Variants in MYO15A observed in about 807,000 individuals in gnomAD.
MYO15A encodes myosin XVA.
Under a neutral mutation model 394.6 loss-of-function variants are expected in MYO15A, and 308 were observed. The observed-to-expected ratio is 0.78, with a 90% CI of 0.71 to 0.86. The LOEUF (loss-of-function observed/expected upper bound fraction) is 0.86, where lower values mean the gene tolerates loss of function less well. Among genes scored for constraint, MYO15A ranks in the 40% least tolerant of loss-of-function variants. The pLI, the probability that MYO15A is intolerant of heterozygous loss-of-function variation, is 0.00. For missense variants in MYO15A, 4,606 were observed against 4,799.1 expected (o/e 0.96, Z 1.19); for synonymous variants, 1,957 against 2,003.8 (o/e 0.98, Z 0.62).
chr17:18,122,151 C>A lies in MYO15A; in HGVS notation c.3351C>A (p.Val1117=). The change falls in exon 2 of 66, where the codon GTC becomes GTA. Residue 1117 remains valine (V), a synonymous_variant. Transcript: ENST00000647165. ...CAGCCCCTGGGCGTTTTGCTGTGGT[C>A]ATGCCTCGTGTGCAGAAGCTGAGCT... ...RQAAPGRFAV[V]MPRVQKLSSF... is the part of the protein sequence containing the mutation. 6.2e-7 allele frequency: 1 copy of A among 1,613,056 alleles called. No homozygotes were observed. Among genetic ancestry groups the A allele is most frequent in the African/African-American group, 1.3e-5 (1 of 75,068 alleles).
Position 18,150,384 on chromosome 17 carries a change from G to A in MYO15A, c.7213-45G>A, listed in dbSNP as rs1226661901. 1 of 1,567,352 alleles carries A rather than the reference G, an allele frequency of 6.4e-7. No homozygotes were observed. The highest frequency in any genetic ancestry group is 1.7e-5 in the Admixed American group (1 of 59,858). Reference sequence around the variant, plus strand: ...GGTGCCTGTTGCCATGGAACCTTGGGAGTACAATAATGAGATGGTCACTTG... The same window carrying A: ...GGTGCCTGTTGCCATGGAACCTTGGAAGTACAATAATGAGATGGTCACTTG... On this transcript the variant is annotated intron_variant, in intron 35 of 65. Transcript: ENST00000647165. This position sits in a 1 kb window ranked among gnomAD's most constrained non-coding sequence, Gnocchi z 4.4.
chr17:18,148,050 G>C lies in MYO15A; in HGVS notation c.6531G>C (p.Arg2177=). 1 of 1,614,088 alleles carries C rather than the reference G, an allele frequency of 6.2e-7. No individual in the cohort carries two copies. The highest frequency in any genetic ancestry group is 8.5e-7 in the Non-Finnish European group (1 of 1,180,030). The change falls in exon 31 of 66, where the codon CGG becomes CGC. Residue 2177 remains arginine, a synonymous_variant. Transcript: ENST00000647165. The surrounding 1 kb of genome is among the most constrained non-coding windows in gnomAD (Gnocchi z 4.8). ...TCAGGTTTGTGTCTGATTATGGGCGGAATGGCTTCCAGGCTGTGTGTCAGC... is the reference window on the plus strand; with the variant it reads ...TCAGGTTTGTGTCTGATTATGGGCGCAATGGCTTCCAGGCTGTGTGTCAGC... ...YLLKFVSDYG[R]NGFQAVCQHR... is the part of the protein sequence containing the mutation.
chr17:18,148,352 G>A lies in MYO15A; in HGVS notation c.6691+142G>A, dbSNP rs950833123. ...TGGCTCTGCGTGAAAGTCTGTGTGT[G>A]GGGGTGGGACCTGGCCCAGGAAAGG... On this transcript the variant is annotated intron_variant, in intron 31 of 65. Coordinates refer to ENST00000647165, the MANE Select transcript of MYO15A (RefSeq NM_016239.4). This position sits in a 1 kb window ranked among gnomAD's most constrained non-coding sequence, Gnocchi z 4.8. The A allele has an allele frequency of 2.1e-6, 3 of 1,452,434 alleles. No homozygotes were observed. The highest frequency in any genetic ancestry group is 2.8e-5 in the African/African-American group (2 of 71,064). 90.0% of individuals were successfully genotyped at this position (1,452,434 alleles called of 1,614,324 possible).
Position 18,144,038 on chromosome 17 carries a change from A to T in MYO15A, c.6177+38A>T, listed in dbSNP as rs2046432870. 2.5e-6 allele frequency: 4 copies of T among 1,612,410 alleles called. No individual in the cohort carries two copies. The South Asian group carries it at 4.4e-5, about 18-fold the overall frequency. On this transcript the variant is annotated intron_variant, in intron 28 of 65. Transcript: ENST00000647165. ...TGAAGTCCAAGGCTCCCTGGCTGAT[A>T]GGCGCTGACCAATTAGAATGGACAT... is the stretch of plus-strand genomic sequence containing the variant.
Position 18,133,209 on chromosome 17 carries a change from C to T in MYO15A, c.4321-16C>T. ...CCACCCAAGCTCCCTGACCCTCAGC[C>T]TCTGCCCTCATGCAGGGTGGGAACT... On this transcript the variant is annotated splice_polypyrimidine_tract_variant and intron_variant, in intron 11 of 65. Transcript: ENST00000647165. The T allele has an allele frequency of 6.2e-7, 1 of 1,613,764 alleles. No individual in the cohort carries two copies. Among genetic ancestry groups the T allele is most frequent in the African/African-American group, 1.3e-5 (1 of 75,046 alleles).
chr17:18,179,046 A>G lies in MYO15A; in HGVS notation c.*176A>G. ...AAGAACACAAGAAGACCCATCCTGA[A>G]CTGGGATGGAATGGCAGCATGCAAA... On this transcript the variant is annotated 3_prime_UTR_variant, in exon 66 of 66. Transcript: ENST00000647165. 1.5e-6 allele frequency: 1 copy of G among 674,646 alleles called. No individual in the cohort carries two copies. The highest frequency in any genetic ancestry group is 2.6e-6 in the Non-Finnish European group (1 of 382,766). The allele number at this position is 674,646 out of a possible 1,614,324, so 41.8% of individuals were successfully genotyped here. A position where few individuals can be genotyped will look rare whatever the true frequency, so the allele number is the denominator to read the frequency against.
chr17:18,120,037 T>G lies in MYO15A; in HGVS notation c.1237T>G (p.Trp413Gly), dbSNP rs777578484. 1.9e-6 allele frequency: 3 copies of G among 1,613,562 alleles called. No homozygotes were observed. The highest frequency in any genetic ancestry group is 2.5e-6 in the Non-Finnish European group (3 of 1,179,986). The change falls in exon 2 of 66, where the codon TGG (tryptophan) becomes GGG (glycine). Residue 413 changes from tryptophan to glycine, a missense_variant. Physicochemically the swap from Trp to Gly is radical, Grantham distance 184. Transcript: ENST00000647165. ...EESASAFVYP[W>G]VPPPIPSPHN... ...GTCGGCTTCGGCCTTTGTGTACCCC[T>G]GGGTACCACCGCCCATCCCGTCGCC...
chr17:18,171,157 C>G (rs2046935374), intron 62 of MYO15A, among the ~76,000 whole-genome samples: 1 of 152,240 alleles, frequency 6.6e-6, no homozygotes, highest in South Asian at 2.1e-4. Flanking sequence ...AGGGCTGGGG[C>G]AAGCTGATGC....
intron 28 of MYO15A, 141 bp downstream of exon 28, chr17:18,144,141 A>ATCTCCCAGATTCCCT: frequency 1.4e-6 from 2 of 1,404,072 alleles, no homozygotes; most frequent in Non-Finnish European, 2.0e-6. Context: ...GATCATAGGG[A>ATCTCCCAGATTCCCT]ATCTGGGAGA....
chr17:18,149,075 AG>A, intron 33 of MYO15A, 123 bp downstream of exon 33: 1 of 1,473,106 alleles, frequency 6.8e-7, no homozygotes, highest in Non-Finnish European at 9.2e-7. Flanking sequence ...CTTAGACTTC[AG>A]GTTCTTAAGG....
chr17:18,133,197 C>T, intron 11 of MYO15A, 28 bp from the exon 12 acceptor site: 1 of 1,612,842 alleles, frequency 6.2e-7, no homozygotes, highest in Non-Finnish European at 8.5e-7. Flanking sequence ...CCCAAGCTCC[C>T]TGACCCTCAG....
At chr17:18,178,485 C>CA in intron 65 of MYO15A, 1 of 557,830 alleles carries the variant, frequency 1.8e-6, no homozygotes, top group Non-Finnish European at 3.3e-6. Context: ...CACTGAGGCT[C>CA]AGAGAGGTGA....
chr17:18,150,637 T>C lies in MYO15A; in HGVS notation c.7328-61T>C. ...GAGGCAGCCACAGCATGATGGGGGC[T>C]GAGAGGACAGGGAGGAGGGCATCTC... On this transcript the variant is annotated intron_variant, in intron 36 of 65. Coordinates refer to ENST00000647165, the MANE Select transcript of MYO15A (RefSeq NM_016239.4). The surrounding 1 kb of genome is among the most constrained non-coding windows in gnomAD (Gnocchi z 4.4). The C allele has an allele frequency of 6.2e-7, 1 of 1,604,038 alleles. No homozygotes were observed. Among genetic ancestry groups the C allele is most frequent in the South Asian group, 1.1e-5 (1 of 89,974 alleles).
Position 18,150,004 on chromosome 17 carries a change from A to G in MYO15A, c.7212+424A>G, listed in dbSNP as rs1597802261. 6.6e-6 allele frequency: 2 copies of G among 302,982 alleles called. No homozygotes were observed. Among genetic ancestry groups the G allele is most frequent in the East Asian group, 1.6e-4 (2 of 12,682 alleles). 18.8% of individuals were successfully genotyped at this position (302,982 alleles called of 1,614,324 possible). On this transcript the variant is annotated intron_variant, in intron 35 of 65. Transcript: ENST00000647165. This position sits in a 1 kb window ranked among gnomAD's most constrained non-coding sequence, Gnocchi z 4.4. ...AAGAAGTGCACCTTTGGTGGCAGCC[A>G]GCCCCCCGGGGCCACTAAAATATCT...
chr17:18,131,544 C>G lies in MYO15A; in HGVS notation c.4206+13C>G, dbSNP rs141183007. The G allele has an allele frequency of 1.5e-3, 2,458 of 1,613,834 alleles. 42 individuals carry two copies. The African/African-American group carries it at 0.029, about 19-fold the overall frequency. On this transcript the variant is annotated intron_variant, in intron 10 of 65. Transcript: ENST00000647165. ...GATCGTGTTTCAGGTGGGCCACCCC[C>G]TCCCAGGCCTCTGTGTTGGGCAGGG...
At position 18,148,833 on chromosome 17, in the gene MYO15A, C is replaced by T. The variant is rs1423394638; in HGVS notation, c.6837C>T (p.Gly2279=). The change falls in exon 33 of 66, where the codon GGC becomes GGT. Residue 2279 remains glycine, a synonymous_variant. Transcript: ENST00000647165. The surrounding 1 kb of genome is among the most constrained non-coding windows in gnomAD (Gnocchi z 4.8). The part of the protein sequence containing the change: ...KNGVQWAELA[G]HDYVLDLVSD... ...GTGTCCAGTGGGCAGAGCTGGCTGG[C>T]CACGACTACGTGTTAGACCTGGTGT... 6.2e-7 allele frequency: 1 copy of T among 1,606,010 alleles called. No individual in the cohort carries two copies. The highest frequency in any genetic ancestry group is 8.5e-7 in the Non-Finnish European group (1 of 1,176,208).
intron 35 of MYO15A, chr17:18,149,854 G>T: frequency 4.1e-6 from 2 of 491,840 alleles, no homozygotes; most frequent in South Asian, 4.1e-5. Flanking sequence ...TTAGGAGGCT[G>T]AGATGGGAGG....
intron 1 of MYO15A, among the ~76,000 whole-genome samples, 167 bp from the exon 2 acceptor site, chr17:18,118,415 C>T (rs1282695195): frequency 2.0e-5 from 3 of 152,220 alleles, no homozygotes; most frequent in African/African-American, 7.2e-5. Flanking sequence ...CCAAGGGCTC[C>T]CTTCATGGGG....
rs1469214553 is a variant in MYO15A at position 18,172,007 on chromosome 17, A to T, written c.10217-150A>T. 2.8e-6 allele frequency: 4 copies of T among 1,407,620 alleles called. No homozygotes were observed. The Admixed American group carries it at 7.7e-5, about 27-fold the overall frequency. The allele number at this position is 1,407,620 out of a possible 1,614,324, so 87.2% of individuals were successfully genotyped here. ...AGCAGGGATAGAGGAAGAGGCCATG[A>T]GAAGGGAGGCCAGAGAGATGGGAGG... On this transcript the variant is annotated intron_variant, in intron 63 of 65. Transcript: ENST00000647165.
Sources: gnomAD v4.1 joint callset for allele counts (sites outside exome capture counted in the v4.1 genomes callset) on GRCh38, gnomAD v4.1.1 for gene constraint, Gnocchi (gnomAD v3.1) non-coding constraint, MANE v1.5 for transcripts, NCBI Gene and HGNC (gene_info 2026-07-23, HGNC 2026-07-21) for gene names.